Variants in MREG observed in about 807,000 individuals in gnomAD.
MREG encodes melanoregulin.
MREG carries 31 observed loss-of-function variants against 28.5 expected under a neutral mutation model. That is an observed-to-expected ratio of 1.09 (90% CI 0.82 to 1.47). The LOEUF is 1.47. Ranked by LOEUF, MREG falls within the 40% of genes most tolerant of loss-of-function variation. MREG has a pLI of 0.00. For synonymous variants in MREG, 106 were observed against 95.2 expected (o/e 1.11, Z -0.66); for missense variants, 256 against 257.4 (o/e 0.99, Z 0.04).
intron 1 of MREG, among the ~76,000 whole-genome samples, chr2:216,018,899 G>T (rs190207947): frequency 3.3e-5 from 5 of 152,230 alleles, no homozygotes; most frequent in African/African-American, 1.2e-4. Context: ...ACAGGAAATG[G>T]ACATGTGACC....
intron 2 of MREG, among the ~76,000 whole-genome samples, chr2:215,995,586 A>G (rs184898886): frequency 2.7e-5 from 4 of 150,022 alleles, no homozygotes; most frequent in African/African-American, 9.8e-5. Flanking sequence ...ACAAAGAAGC[A>G]TGCAGTGTAT....
chr2:215,953,477 C>T (rs1480550738), intron 2 of MREG, among the ~76,000 whole-genome samples: 1 of 152,208 alleles, frequency 6.6e-6, no homozygotes, highest in Non-Finnish European at 1.5e-5. Flanking sequence ...GGGCACATTA[C>T]CCAACTCAAG....
intron 2 of MREG, among the ~76,000 whole-genome samples, chr2:215,950,377 G>A (rs1318507037): frequency 3.9e-5 from 6 of 152,052 alleles, no homozygotes; most frequent in Non-Finnish European, 7.3e-5. Context: ...AATGTTATAC[G>A]AATTCATTCA....
Position 215,943,915 on chromosome 2 carries a change from G to A in MREG, c.*948C>T, listed in dbSNP as rs1178467810. Among the ~76,000 whole-genome samples the A allele has an allele frequency of 7.4e-6, 1 of 134,710 alleles. No individual in the cohort carries two copies. Among genetic ancestry groups the A allele is most frequent in the African/African-American group, 2.7e-5 (1 of 36,572 alleles). 88.4% of individuals were successfully genotyped at this position (134,710 alleles called of 152,430 possible). On this transcript the variant is annotated 3_prime_UTR_variant, in exon 5 of 5. Transcript: ENST00000263268. ...ACAATATACAAAGATGAGAGAACCA[G>A]ATATCAATAATGTTGGGAATTTAAA...
chr2:216,029,915 C>T (rs910712853), intron 1 of MREG, among the ~76,000 whole-genome samples: 1 of 152,222 alleles, frequency 6.6e-6, no homozygotes, highest in Non-Finnish European at 1.5e-5. Flanking sequence ...TAGCCTATGG[C>T]TGAGTCGTAT....
downstream of MREG, chr2:215,939,550 C>T (rs933930692): frequency 7.2e-5 from 11 of 152,108 alleles, no homozygotes; most frequent in African/African-American, 1.2e-4. Context: ...TAATAAGATC[C>T]GACAACATAT....
intron 2 of MREG, among the ~76,000 whole-genome samples, chr2:215,977,191 A>C (rs1001056755): frequency 6.6e-6 from 1 of 152,184 alleles, no homozygotes; most frequent in African/African-American, 2.4e-5. Context: ...GAAGATCTAC[A>C]AAGCAAATGG....
At position 215,984,911 on chromosome 2, in the gene MREG, GC is replaced by G. The variant is rs529152558; in HGVS notation, c.255+11394del. Among the ~76,000 whole-genome samples the G allele has an allele frequency of 2.2e-4, 34 of 152,254 alleles. No individual in the cohort carries two copies. The East Asian group carries it at 6.2e-3, about 28-fold the overall frequency. ...AGAGACAGGCTTATGAGCAGACTTT[GC>G]TTATACATTTTGAAATCTATATTGA... On this transcript the variant is annotated intron_variant, in intron 2 of 4. Transcript: ENST00000263268.
intron 1 of MREG, among the ~76,000 whole-genome samples, chr2:216,003,966 C>T (rs775266696): frequency 2.0e-5 from 3 of 152,198 alleles, no homozygotes; most frequent in Non-Finnish European, 2.9e-5. Context: ...ATCATGTCAT[C>T]CCTCAGCTCA....
At chr2:215,990,256 A>C (rs532183702) in intron 2 of MREG, among the ~76,000 whole-genome samples, 1 of 152,234 alleles carries the variant, frequency 6.6e-6, no homozygotes, top group African/African-American at 2.4e-5. Context: ...ATTCTTGAAG[A>C]AAAGAATTTT....
intron 2 of MREG, among the ~76,000 whole-genome samples, chr2:215,966,477 A>G (rs962216787): frequency 6.6e-6 from 1 of 152,226 alleles, no homozygotes; most frequent in African/African-American, 2.4e-5. Context: ...GTGTCCCCAC[A>G]AACAAACCTG....
chr2:215,997,979 T>C (rs1693913498), intron 1 of MREG, among the ~76,000 whole-genome samples: 1 of 152,042 alleles, frequency 6.6e-6, no homozygotes, highest in Non-Finnish European at 1.5e-5. Context: ...AGTGATGAGG[T>C]ACAGGTCAGA....
At chr2:216,032,513 A>T (rs977173722) in intron 1 of MREG, among the ~76,000 whole-genome samples, 5 of 152,242 alleles carry the variant, frequency 3.3e-5, no homozygotes, top group Non-Finnish European at 5.9e-5. Flanking sequence ...TGGGAGGCTG[A>T]CCAGGGGTAC....
At chr2:216,015,158 T>C (rs964300239), upstream of MREG, among the ~76,000 whole-genome samples, 28 of 67,388 alleles carry the variant, frequency 4.2e-4, no homozygotes, top group African/African-American at 2.2e-3. Context: ...TGCGTACGTG[T>C]GCGCGCGCGC....
intron 1 of MREG, among the ~76,000 whole-genome samples, chr2:216,012,441 T>C (rs1694338779): frequency 6.6e-6 from 1 of 152,244 alleles, no homozygotes; most frequent in Non-Finnish European, 1.5e-5. Flanking sequence ...ACCCTGGCTT[T>C]AGTATTTGCT....
intron 1 of MREG, among the ~76,000 whole-genome samples, chr2:216,012,893 C>A (rs1315790369): frequency 1.2e-4 from 18 of 152,268 alleles, no homozygotes. Flanking sequence ...CGATCAAATA[C>A]CCAGTCACAG....
upstream of MREG, among the ~76,000 whole-genome samples, chr2:216,018,421 C>T (rs1170185210): frequency 3.3e-5 from 5 of 152,136 alleles, no homozygotes; most frequent in Non-Finnish European, 7.4e-5. Context: ...ACAATGCACG[C>T]ACATAGTGGG....
At chr2:216,031,449 AAGAAAGAGAG>A (rs756240845) in intron 1 of MREG, among the ~76,000 whole-genome samples, 142 of 144,254 alleles carry the variant, frequency 9.8e-4, no homozygotes, top group African/African-American at 3.0e-3. Context: ...AAGAAAAAGA[AAGAAAGAGAG>A]AAAGAAAGAA....
intron 2 of MREG, among the ~76,000 whole-genome samples, chr2:215,979,983 A>AAC (rs2105999491): frequency 6.7e-6 from 1 of 149,668 alleles, no homozygotes; most frequent in East Asian, 1.9e-4. Context: ...ACAAACAAAA[A>AAC]AAAAAAACAA....
Sources: allele counts gnomAD v4.1 joint callset (sites outside exome capture counted in the v4.1 genomes callset), GRCh38; gene constraint gnomAD v4.1.1; transcripts MANE v1.5; gene names NCBI Gene and HGNC (gene_info 2026-07-23, HGNC 2026-07-21).